Variants in SGIP1 observed in about 807,000 individuals in gnomAD.
SGIP1 encodes the protein SH3GL interacting endocytic adaptor 1.
SGIP1 carries 38 observed loss-of-function variants against 107.5 expected under a neutral mutation model. The observed-to-expected ratio is 0.35, with a 90% CI of 0.27 to 0.46. SGIP1 has a LOEUF of 0.46. Ranked by LOEUF, SGIP1 falls within the 20% of genes least tolerant of loss-of-function variation. The probability of loss-of-function intolerance (pLI) is 1.00; values close to 1 mark genes in which losing one functional copy is unlikely to be tolerated. For synonymous variants in SGIP1, 365 were observed against 366.1 expected (o/e 1.00, Z 0.03); for missense variants, 929 against 1,019.5 (o/e 0.91, Z 1.21).
chr1:66,746,039 A>C lies in SGIP1; in HGVS notation c.*2944A>C, dbSNP rs1296881045. Reference sequence around the variant, plus strand: ...AATGTCCACAATTCAAACGGTTTTGAGTTAATAGATAGGAATCCCTCAGTC... The same window carrying C: ...AATGTCCACAATTCAAACGGTTTTGCGTTAATAGATAGGAATCCCTCAGTC... On this transcript the variant is annotated 3_prime_UTR_variant, in exon 25 of 25. Coordinates refer to ENST00000371037, the MANE Select transcript of SGIP1 (RefSeq NM_032291.4). 1 of 152,130 alleles carries C rather than the reference A, an allele frequency of 6.6e-6. No individual in the cohort carries two copies. The highest frequency in any genetic ancestry group is 1.9e-4 in the East Asian group (1 of 5,202). 9.4% of individuals were successfully genotyped at this position (152,130 alleles called of 1,614,324 possible).
chr1:66,584,784 T>C (rs2062349843), intron 1 of SGIP1, among the ~76,000 whole-genome samples: 1 of 152,170 alleles, frequency 6.6e-6, no homozygotes, highest in Non-Finnish European at 1.5e-5. Flanking sequence ...GTAGCCAAAT[T>C]TCTGTGCTCC....
At chr1:66,622,539 C>A (rs890407249) in intron 1 of SGIP1, among the ~76,000 whole-genome samples, 2 of 152,132 alleles carry the variant, frequency 1.3e-5, no homozygotes, top group African/African-American at 4.8e-5. Context: ...AAGTTTTCAA[C>A]CTTTTAAAAA....
chr1:66,649,644 G>C (rs114358579), intron 7 of SGIP1, among the ~76,000 whole-genome samples: 382 of 152,166 alleles, frequency 2.5e-3, no homozygotes, highest in African/African-American at 8.8e-3. Context: ...AAAAGGCTTT[G>C]TTCTTAAAGA....
intron 19 of SGIP1, among the ~76,000 whole-genome samples, chr1:66,722,065 C>T (rs1042596362): frequency 6.6e-6 from 1 of 152,132 alleles, no homozygotes; most frequent in African/African-American, 2.4e-5. Context: ...CACTCCTTTC[C>T]TTATCCCTGA....
chr1:66,746,053 A>T lies in SGIP1; in HGVS notation c.*2958A>T, dbSNP rs1036673742. The T allele has an allele frequency of 8.5e-5, 13 of 152,060 alleles. No individual in the cohort carries two copies. Among genetic ancestry groups the T allele is most frequent in the Non-Finnish European group, 1.3e-4 (9 of 67,994 alleles). The allele number at this position is 152,060 out of a possible 1,614,324, so 9.4% of individuals were successfully genotyped here. A position where few individuals can be genotyped will look rare whatever the true frequency, so the allele number is the denominator to read the frequency against. On this transcript the variant is annotated 3_prime_UTR_variant, in exon 25 of 25. Coordinates refer to ENST00000371037, the MANE Select transcript of SGIP1 (RefSeq NM_032291.4). ...AAACGGTTTTGAGTTAATAGATAGG[A>T]ATCCCTCAGTCAAACTACAGAATTT...
At chr1:66,675,544 T>TTC (rs2085076642) in intron 12 of SGIP1, among the ~76,000 whole-genome samples, 2 of 130,524 alleles carry the variant, frequency 1.5e-5, no homozygotes, top group Non-Finnish European at 3.2e-5. Flanking sequence ...TTTCTTTCTT[T>TTC]TTTTTTTTTT....
intron 15 of SGIP1, among the ~76,000 whole-genome samples, chr1:66,683,317 T>G (rs2150015099): frequency 6.6e-6 from 1 of 152,308 alleles, no homozygotes; most frequent in African/African-American, 2.4e-5. Context: ...ATGTATTTGT[T>G]TTTCCTTTTG....
At chr1:66,565,092 A>T (rs1042343870) in intron 1 of SGIP1, among the ~76,000 whole-genome samples, 2 of 151,952 alleles carry the variant, frequency 1.3e-5, no homozygotes, top group African/African-American at 4.8e-5. Flanking sequence ...CTCCACTGCC[A>T]GTTTGCTTTG....
At chr1:66,608,025 A>G (rs942440582) in intron 1 of SGIP1, among the ~76,000 whole-genome samples, 3 of 152,038 alleles carry the variant, frequency 2.0e-5, no homozygotes, top group African/African-American at 7.2e-5. Flanking sequence ...CCAGATGCCC[A>G]CTCCTCATCC....
intron 20 of SGIP1, among the ~76,000 whole-genome samples, chr1:66,732,608 G>T (rs1293358458): frequency 1.3e-5 from 2 of 152,122 alleles, no homozygotes; most frequent in Non-Finnish European, 2.9e-5. Context: ...TAAAGCCCTG[G>T]TGTTTTTTAC....
intron 7 of SGIP1, among the ~76,000 whole-genome samples, chr1:66,646,962 A>G (rs562953302): frequency 8.5e-5 from 13 of 152,334 alleles, no homozygotes; most frequent in African/African-American, 3.1e-4. Flanking sequence ...CAGCCTGCTG[A>G]TAAGATACCA....
chr1:66,739,502 C>T lies in SGIP1; in HGVS notation c.2199C>T (p.Val733=). ...VQFLVPIDGG[V]TKLQAVLPPA... ...TCCTGGTCCCCATCGACGGAGGAGT[C>T]ACCAAGCTCCAGGCAGTGCTCCCAC... The change falls in exon 22 of 25, where the codon GTC becomes GTT. Residue 733 remains valine (V), a synonymous_variant. Transcript: ENST00000371037. 1 of 1,614,078 alleles carries T rather than the reference C, an allele frequency of 6.2e-7. No individual in the cohort carries two copies. The highest frequency in any genetic ancestry group is 8.5e-7 in the Non-Finnish European group (1 of 1,180,022).
In SGIP1 at chr1:66,547,300, T is replaced by G. The variant is rs138354946; in HGVS notation, c.10+12932T>G. On this transcript the variant is annotated intron_variant, in intron 1 of 24. Coordinates refer to ENST00000371037, the MANE Select transcript of SGIP1 (RefSeq NM_032291.4). ...TTTCAATGGGGATGGATATATGGAA[T>G]TTTGTTAAACTGAATAAAAATATTG... 4.6e-5 allele frequency among the ~76,000 whole-genome samples: 7 copies of G among 152,300 alleles called. No homozygotes were observed. The East Asian group carries it at 1.4e-3, about 29-fold the overall frequency.
At chr1:66,599,426 G>A (rs1320025475) in intron 1 of SGIP1, among the ~76,000 whole-genome samples, 1 of 152,126 alleles carries the variant, frequency 6.6e-6, no homozygotes, top group Non-Finnish European at 1.5e-5. Flanking sequence ...GGCTACAGGG[G>A]CTAAGTGACA....
chr1:66,714,969 G>C (rs1168026300), intron 18 of SGIP1, among the ~76,000 whole-genome samples: 1 of 152,082 alleles, frequency 6.6e-6, no homozygotes. Context: ...TGCTATGGGG[G>C]ATGAAAGCAT....
intron 14 of SGIP1, among the ~76,000 whole-genome samples, chr1:66,680,067 C>T (rs532676856): frequency 6.6e-6 from 1 of 152,168 alleles, no homozygotes; most frequent in Admixed American, 6.5e-5. Flanking sequence ...CCCCTCACTT[C>T]GTTGGATCTC....
At chr1:66,695,628 G>A (rs994971594) in intron 18 of SGIP1, 135 bp downstream of exon 18, 1 of 765,024 alleles carries the variant, frequency 1.3e-6, no homozygotes, top group African/African-American at 1.8e-5. Flanking sequence ...TGGCTACTTA[G>A]AAAATATTAA....
intron 20 of SGIP1, among the ~76,000 whole-genome samples, chr1:66,730,961 A>G (rs557167559): frequency 6.6e-6 from 1 of 152,096 alleles, no homozygotes; most frequent in East Asian, 1.9e-4. Context: ...ACCCCCACCA[A>G]CCAGCCCCAA....
chr1:66,732,212 A>G (rs1243923567), intron 20 of SGIP1, among the ~76,000 whole-genome samples: 1 of 152,180 alleles, frequency 6.6e-6, no homozygotes, highest in African/African-American at 2.4e-5. Context: ...CTATTTTGGC[A>G]TGGTGTGAAA....
Sources: gnomAD v4.1 joint callset for allele counts (sites outside exome capture counted in the v4.1 genomes callset) on GRCh38, gnomAD v4.1.1 for gene constraint, MANE v1.5 for transcripts, NCBI Gene and HGNC (gene_info 2026-07-23, HGNC 2026-07-21) for gene names.